The following MINPP1 variants were observed in gnomAD, a reference collection of about 807,000 sequenced individuals.
MINPP1 encodes multiple inositol-polyphosphate phosphatase 1, also known as multiple inositol polyphosphate phosphatase 1.
MINPP1 carries 28 observed loss-of-function variants against 46.1 expected under a neutral mutation model. The observed-to-expected ratio is 0.61, with a 90% CI of 0.45 to 0.83. MINPP1 has a LOEUF of 0.83. Ranked by LOEUF, MINPP1 falls within the 40% of genes least tolerant of loss-of-function variation. MINPP1 has a pLI of 0.00. For synonymous variants in MINPP1, 268 were observed against 249.1 expected (o/e 1.08, Z -0.72); for missense variants, 603 against 610.0 (o/e 0.99, Z 0.12).
At chr10:87,535,111 G>A (rs1179191986) in intron 4 of MINPP1, among the ~76,000 whole-genome samples, 1 of 148,888 alleles carries the variant, frequency 6.7e-6, no homozygotes, top group Non-Finnish European at 1.5e-5. Flanking sequence ...GCAGTTCATG[G>A]TAGTTGGAAA....
Position 87,505,180 on chromosome 10 carries a change from C to T in MINPP1, c.265C>T (p.His89Tyr). Residue 89 changes from histidine (H) to tyrosine (Y), a missense_variant, in exon 1 of 5, where the codon CAC (histidine) becomes TAC (tyrosine). Coordinates refer to ENST00000371996, the MANE Select transcript of MINPP1 (RefSeq NM_004897.5). This position sits in a 1 kb window ranked among gnomAD's most constrained non-coding sequence, Gnocchi z 4.4. ...GGTGCAGCTGGTCGCCCTCATTCGC[C>T]ACGGCACCCGCTACCCCACGGTCAA... Reference protein sequence around the residue: ...TPVQLVALIRHGTRYPTVKQI... With the variant: ...TPVQLVALIRYGTRYPTVKQI... The T allele has an allele frequency of 6.2e-7, 1 of 1,609,336 alleles. No homozygotes were observed. Among genetic ancestry groups the T allele is most frequent in the Non-Finnish European group, 8.5e-7 (1 of 1,177,960 alleles).
In MINPP1 at chr10:87,504,901, C is replaced by A. The variant is rs759289123; in HGVS notation, c.-15C>A. The A allele has an allele frequency of 2.5e-6, 4 of 1,608,392 alleles. No individual in the cohort carries two copies. Among genetic ancestry groups the A allele is most frequent in the Non-Finnish European group, 2.5e-6 (3 of 1,178,772 alleles). ...TCTGCAGCTGGCTCGGCGCACTCCA[C>A]TGACCGTCCCGACGATGCTACGCGC... On this transcript the variant is annotated 5_prime_UTR_variant, in exon 1 of 5. In the 5' UTR this introduces an upstream ATG that the reference lacks. Coordinates refer to ENST00000371996, the MANE Select transcript of MINPP1 (RefSeq NM_004897.5).
chr10:87,505,531 T>C lies in MINPP1; in HGVS notation c.616T>C (p.Leu206=), dbSNP rs1589366274. 6.2e-7 allele frequency: 1 copy of C among 1,609,368 alleles called. No homozygotes were observed. Among genetic ancestry groups the C allele is most frequent in the South Asian group, 1.1e-5 (1 of 90,754 alleles). Residue 206 remains leucine, a synonymous_variant, in exon 1 of 5, where the codon TTG becomes CTG. Coordinates refer to ENST00000371996, the MANE Select transcript of MINPP1 (RefSeq NM_004897.5). The surrounding 1 kb of genome is among the most constrained non-coding windows in gnomAD (Gnocchi z 4.4). ...GCTGTGGCAGCACTACCACCCTGGC[T>C]TGCCGCCGCCGGACGTCGCAGGTGA... ...QGLWQHYHPG[L]PPPDVADMEF...
chr10:87,513,351 A>C (rs1851363703), intron 3 of MINPP1, 130 bp downstream of exon 3: 5 of 679,048 alleles, frequency 7.4e-6, no homozygotes, highest in Non-Finnish European at 1.1e-5. Context: ...TTTTGTGACT[A>C]ACTCCTAATT....
rs923056042 is a variant in MINPP1, at chr10:87,505,583, C to G, written c.637+31C>G. ...CCCCCGGGCGGCCCGTGTGCTGTCCCGGTCCTCCCACCCGCCCTGGATGCT... is the reference window on the plus strand; with the variant it reads ...CCCCCGGGCGGCCCGTGTGCTGTCCGGGTCCTCCCACCCGCCCTGGATGCT... On this transcript the variant is annotated intron_variant, in intron 1 of 4. Transcript: ENST00000371996. The surrounding 1 kb of genome is among the most constrained non-coding windows in gnomAD (Gnocchi z 4.4). 7 of 1,579,976 alleles carry G rather than the reference C, an allele frequency of 4.4e-6. No individual in the cohort carries two copies. The highest frequency in any genetic ancestry group is 2.3e-5 in the South Asian group (2 of 87,954).
In MINPP1 at chr10:87,504,897, T is replaced by A; in HGVS notation, c.-19T>A. On this transcript the variant is annotated 5_prime_UTR_variant, in exon 1 of 5. Transcript: ENST00000371996. Reference sequence around the variant, plus strand: ...GGCATCTGCAGCTGGCTCGGCGCACTCCACTGACCGTCCCGACGATGCTAC... The same window carrying A: ...GGCATCTGCAGCTGGCTCGGCGCACACCACTGACCGTCCCGACGATGCTAC... 1 of 1,607,342 alleles carries A rather than the reference T, an allele frequency of 6.2e-7. No homozygotes were observed. The highest frequency in any genetic ancestry group is 8.5e-7 in the Non-Finnish European group (1 of 1,178,446).
chr10:87,537,964 CTTATTT>C (rs2131833641), intron 4 of MINPP1, among the ~76,000 whole-genome samples: 1 of 151,850 alleles, frequency 6.6e-6, no homozygotes, highest in African/African-American at 2.4e-5. Context: ...ATACATGGAA[CTTATTT>C]TTATTTATTT....
At chr10:87,510,634 C>T (rs1851321439) in intron 2 of MINPP1, among the ~76,000 whole-genome samples, 2 of 152,160 alleles carry the variant, frequency 1.3e-5, no homozygotes, top group Admixed American at 1.3e-4. Flanking sequence ...CGTGGCATAA[C>T]CTATAATCCC....
chr10:87,506,636 ACATAC>A (rs1252496497), intron 1 of MINPP1, among the ~76,000 whole-genome samples: 2 of 152,224 alleles, frequency 1.3e-5, no homozygotes, highest in African/African-American at 4.8e-5. Flanking sequence ...TTGTCCAATA[ACATAC>A]CTAATAAGAA....
Position 87,529,164 on chromosome 10 carries a change from A to G in MINPP1, c.1067+7995A>G, listed in dbSNP as rs540435922. Among the ~76,000 whole-genome samples, 7 of 152,124 alleles carry G rather than the reference A, an allele frequency of 4.6e-5. No homozygotes were observed. The East Asian group carries it at 1.2e-3, about 25-fold the overall frequency. Reference sequence around the variant, plus strand: ...CTGATGGGTCTTGACTCTTTATCCAATTTGCCAGTCTGTGTCTTTTAATTG... The same window carrying G: ...CTGATGGGTCTTGACTCTTTATCCAGTTTGCCAGTCTGTGTCTTTTAATTG... On this transcript the variant is annotated intron_variant, in intron 4 of 4. Coordinates refer to ENST00000371996, the MANE Select transcript of MINPP1 (RefSeq NM_004897.5).
chr10:87,551,933 C>A, intron 4 of MINPP1, 149 bp from the exon 5 acceptor site: 1 of 657,608 alleles, frequency 1.5e-6, no homozygotes, highest in Non-Finnish European at 2.5e-6. Context: ...GAATTTCAGC[C>A]GTATGCTTGT....
chr10:87,505,995 T>C lies in MINPP1; in HGVS notation c.637+443T>C, dbSNP rs1851243189. Among the ~76,000 whole-genome samples, 1 of 151,674 alleles carries C rather than the reference T, an allele frequency of 6.6e-6. No individual in the cohort carries two copies. The highest frequency in any genetic ancestry group is 2.4e-5 in the African/African-American group (1 of 41,234). On this transcript the variant is annotated intron_variant, in intron 1 of 4. Coordinates refer to ENST00000371996, the MANE Select transcript of MINPP1 (RefSeq NM_004897.5). This position sits in a 1 kb window ranked among gnomAD's most constrained non-coding sequence, Gnocchi z 4.4. ...TAGAATTTTCTTCCTCGGGCTTTGC[T>C]TCCGATACTAGTTTTTCCTTCTTTC...
intron 4 of MINPP1, among the ~76,000 whole-genome samples, chr10:87,542,318 T>TC (rs1027292933): frequency 1.4e-4 from 8 of 57,146 alleles, no homozygotes; most frequent in East Asian, 3.3e-4. Context: ...TCTCTCTCTC[T>TC]TTTTTTTTTT....
intron 4 of MINPP1, among the ~76,000 whole-genome samples, chr10:87,532,150 C>T (rs998380297): frequency 1.3e-5 from 2 of 152,162 alleles, no homozygotes; most frequent in African/African-American, 4.8e-5. Context: ...AAAACAAGAG[C>T]TTTGTGAGAC....
chr10:87,543,443 C>G (rs1401964378), intron 4 of MINPP1, among the ~76,000 whole-genome samples: 1 of 151,956 alleles, frequency 6.6e-6, no homozygotes, highest in African/African-American at 2.4e-5. Flanking sequence ...TCACTTGGGC[C>G]CAGGAGTTCA....
At chr10:87,548,631 A>C (rs1851921204) in intron 4 of MINPP1, among the ~76,000 whole-genome samples, 1 of 152,070 alleles carries the variant, frequency 6.6e-6, no homozygotes, top group South Asian at 2.1e-4. Flanking sequence ...AACTTAAAAT[A>C]TTTATACTTG....
chr10:87,549,738 G>A (rs1851936698), intron 4 of MINPP1, among the ~76,000 whole-genome samples: 1 of 152,210 alleles, frequency 6.6e-6, no homozygotes, highest in Non-Finnish European at 1.5e-5. Context: ...TGCTGTTGCT[G>A]CTATCCTCCC....
rs1283759753 is a variant in MINPP1, at chr10:87,552,604, A to G, written c.*126A>G. On this transcript the variant is annotated 3_prime_UTR_variant, in exon 5 of 5. Coordinates refer to ENST00000371996, the MANE Select transcript of MINPP1 (RefSeq NM_004897.5). ...CTTGAGTATTTCTGTCTTTTCACAG[A>G]AAAACATTGGGTTTCTCTCTGGGTT... 52 of 984,226 alleles carry G rather than the reference A, an allele frequency of 5.3e-5. No individual in the cohort carries two copies. The highest frequency in any genetic ancestry group is 7.8e-5 in the Non-Finnish European group (51 of 655,270). The allele number at this position is 984,226 out of a possible 1,614,324, so 61.0% of individuals were successfully genotyped here.
At chr10:87,532,561 G>A (rs556159482) in intron 4 of MINPP1, among the ~76,000 whole-genome samples, 1 of 152,318 alleles carries the variant, frequency 6.6e-6, no homozygotes. Flanking sequence ...ACTGGCAGAT[G>A]GTTTCCTGGG....
Sources: gnomAD v4.1 joint callset for allele counts (sites outside exome capture counted in the v4.1 genomes callset) on GRCh38, gnomAD v4.1.1 for gene constraint, Gnocchi (gnomAD v3.1) non-coding constraint, MANE v1.5 for transcripts, NCBI Gene and HGNC (gene_info 2026-07-23, HGNC 2026-07-21) for gene names.